ERCC6: variants seen among roughly 807,000 people sequenced by gnomAD.
ERCC6 encodes ERCC excision repair 6, chromatin remodeling factor.
A neutral mutation model predicts 158.7 loss-of-function variants in ERCC6; 116 were observed. That is an observed-to-expected ratio of 0.73 (90% confidence interval 0.63 to 0.85). ERCC6 has a LOEUF of 0.85. ERCC6 is among the 40% of genes least tolerant of loss of function. The probability of loss-of-function intolerance (pLI) is 0.00; values close to 1 mark genes in which losing one functional copy is unlikely to be tolerated. For missense variants in ERCC6, 1,698 were observed against 1,799.4 expected, an observed-to-expected ratio of 0.94 and a Z score of 1.02; for synonymous variants, 678 against 659.3, an observed-to-expected ratio of 1.03 and a Z score of -0.43.
chr10:49,484,790 T>C (rs1401849225), intron 8 of ERCC6, among the ~76,000 whole-genome samples: 2 of 152,084 alleles, frequency 1.3e-5, no homozygotes, highest in Admixed American at 1.3e-4. Context: ...TAGATTCTAG[T>C]CAGAACAAAA....
At position 49,454,480 on chromosome 10, in the gene ERCC6, C is replaced by T. The variant is rs1438903129; in HGVS notation, c.*4335G>A. ...CTGTTCTTACCAAGATTTGGATTTTCTTGAATAAGCGTTACTTTATTCTAC... is the reference window on the plus strand; with the variant it reads ...CTGTTCTTACCAAGATTTGGATTTTTTTGAATAAGCGTTACTTTATTCTAC... On this transcript the variant is annotated 3_prime_UTR_variant, in exon 21 of 21. Transcript: ENST00000355832. 1.3e-5 allele frequency among the ~76,000 whole-genome samples: 2 copies of T among 152,118 alleles called. No homozygotes were observed. Among genetic ancestry groups the T allele is most frequent in the Non-Finnish European group, 2.9e-5 (2 of 68,002 alleles).
chr10:49,523,174 A>G (rs557775731), intron 5 of ERCC6, among the ~76,000 whole-genome samples: 2 of 152,348 alleles, frequency 1.3e-5, no homozygotes, highest in South Asian at 4.1e-4. Context: ...AAGTATTTTA[A>G]AAGTAATAAG....
At chr10:49,469,516 G>A (rs889430855) in intron 18 of ERCC6, among the ~76,000 whole-genome samples, 1 of 152,156 alleles carries the variant, frequency 6.6e-6, no homozygotes, top group Admixed American at 6.5e-5. Context: ...ACTGATTTAA[G>A]TTTGAAATTA....
chr10:49,447,864 T>A, the ERCC6 span, among the ~76,000 whole-genome samples: 1 of 152,214 alleles, frequency 6.6e-6, no homozygotes, highest in Non-Finnish European at 1.5e-5. Flanking sequence ...CCTTGTTGCA[T>A]CAGTACTTCA....
intron 4 of ERCC6, among the ~76,000 whole-genome samples, chr10:49,526,127 A>ATATATT (rs1837330284): frequency 6.9e-5 from 1 of 14,424 alleles, no homozygotes; most frequent in Non-Finnish European, 1.9e-4. Flanking sequence ...TTATATATAT[A>ATATATT]TATATATATA....
In ERCC6 at chr10:49,500,522, G is replaced by A; in HGVS notation, c.1685+16C>T. 1.2e-6 allele frequency: 2 copies of A among 1,613,058 alleles called. No homozygotes were observed. Among genetic ancestry groups the A allele is most frequent in the Admixed American group, 1.7e-5 (1 of 60,006 alleles). ...ATTGAGCTCCACAGACTGACAGTCT[G>A]CAGAGGAGCACTTGCCTGTAATTTG... On this transcript the variant is annotated intron_variant, in intron 7 of 20. Coordinates refer to ENST00000355832, the MANE Select transcript of ERCC6 (RefSeq NM_000124.4).
chr10:49,453,786 G>A (rs891462975), downstream of ERCC6, among the ~76,000 whole-genome samples: 1 of 151,738 alleles, frequency 6.6e-6, no homozygotes, highest in Non-Finnish European at 1.5e-5. Context: ...TTTTCTTCAA[G>A]CACTTTGACT....
At chr10:49,482,658 C>A (rs775330498) in intron 10 of ERCC6, 29 bp downstream of exon 10, 1 of 1,602,944 alleles carries the variant, frequency 6.2e-7, no homozygotes. Context: ...TATTAAAATG[C>A]CAAAAGTATT....
chr10:49,526,958 G>C (rs1842154117), intron 4 of ERCC6, among the ~76,000 whole-genome samples: 2 of 152,152 alleles, frequency 1.3e-5, no homozygotes, highest in Non-Finnish European at 2.9e-5. Context: ...AACAAGAAGA[G>C]GGCTCAAAGA....
rs1590478908 is a variant in ERCC6 at position 49,526,094 on chromosome 10, TA to T, written c.653-1318del. ...CATCTTTTGGTTTTATTTATATTTA[TA>T]TATTTATATATTTATATATTTTTAT... On this transcript the variant is annotated intron_variant, in intron 4 of 20. Transcript: ENST00000355832. Among the ~76,000 whole-genome samples the T allele has an allele frequency of 4.8e-5, 5 of 103,574 alleles. 1 individual carries two copies. The highest frequency in any genetic ancestry group is 4.0e-4 in the East Asian group (1 of 2,530). The allele number at this position is 103,574 out of a possible 152,430, so 67.9% of individuals were successfully genotyped here. A position where few individuals can be genotyped will look rare whatever the true frequency, so the allele number is the denominator to read the frequency against.
At chr10:49,447,180 C>A in the ERCC6 span, among the ~76,000 whole-genome samples, 1 of 152,072 alleles carries the variant, frequency 6.6e-6, no homozygotes, top group Non-Finnish European at 1.5e-5. Flanking sequence ...CAGATGATAT[C>A]CACAAAGGAA....
intron 8 of ERCC6, among the ~76,000 whole-genome samples, chr10:49,484,173 C>A (rs951389281): frequency 2.0e-5 from 3 of 149,932 alleles, no homozygotes; most frequent in African/African-American, 7.4e-5. Flanking sequence ...CCCATCTACT[C>A]AGGAGGCTGA....
intron 14 of ERCC6, 63 bp from the exon 15 acceptor site, chr10:49,473,091 T>G: frequency 6.2e-7 from 1 of 1,609,652 alleles, no homozygotes; most frequent in Non-Finnish European, 8.5e-7. Flanking sequence ...TCTCAGCCTC[T>G]GCCTCCACAT....
the ERCC6 span, among the ~76,000 whole-genome samples, chr10:49,437,013 G>A: frequency 6.6e-6 from 1 of 152,184 alleles, no homozygotes; most frequent in Non-Finnish European, 1.5e-5. Context: ...ATTCCCACCT[G>A]TTGTGGGAAG....
At chr10:49,477,507 C>T (rs374868176) in intron 11 of ERCC6, among the ~76,000 whole-genome samples, 2 of 152,328 alleles carry the variant, frequency 1.3e-5, no homozygotes, top group South Asian at 4.1e-4. Flanking sequence ...CTCACGGGCA[C>T]CTCTGTTGAT....
Position 49,458,826 on chromosome 10 carries a change from C to G in ERCC6, c.4471G>C (p.Glu1491Gln). Residue 1491 changes from glutamate (E) to glutamine (Q), a missense_variant, in exon 21 of 21, where the codon GAA (glutamate) becomes CAA (glutamine). Glu to Gln is a conservative substitution (Grantham distance 29). Coordinates refer to ENST00000355832, the MANE Select transcript of ERCC6 (RefSeq NM_000124.4). Reference sequence around the variant, plus strand: ...GGAAGCAATGTTGTTTAGCAGTATTCTGGCTTGAGTTTCCAAATTCCTTCA... The same window carrying G: ...GGAAGCAATGTTGTTTAGCAGTATTGTGGCTTGAGTTTCCAAATTCCTTCA... Reference protein sequence around the residue: ...GGEGIWKLKPEYC With the variant: ...GGEGIWKLKPQYC 6.2e-7 allele frequency: 1 copy of G among 1,614,154 alleles called. No individual in the cohort carries two copies. The highest frequency in any genetic ancestry group is 8.5e-7 in the Non-Finnish European group (1 of 1,180,028).
At chr10:49,513,560 G>A (rs768587285) in intron 5 of ERCC6, among the ~76,000 whole-genome samples, 13 of 152,076 alleles carry the variant, frequency 8.5e-5, no homozygotes, top group Non-Finnish European at 1.6e-4. Context: ...CTCACAATTC[G>A]GCACGGCTGG....
the ERCC6 span, among the ~76,000 whole-genome samples, chr10:49,442,972 T>C: frequency 6.6e-6 from 1 of 152,228 alleles, no homozygotes; most frequent in Non-Finnish European, 1.5e-5. Context: ...TGTTAGAGTG[T>C]CACTCTGTCT....
At chr10:49,466,348 T>G (rs549680370) in intron 18 of ERCC6, among the ~76,000 whole-genome samples, 1 of 152,214 alleles carries the variant, frequency 6.6e-6, no homozygotes, top group East Asian at 1.9e-4. Context: ...ATCCTAGGAT[T>G]GACAAGTAAC....
Sources: gnomAD v4.1 joint callset for allele counts (sites outside exome capture counted in the v4.1 genomes callset) on GRCh38, gnomAD v4.1.1 for gene constraint, MANE v1.5 for transcripts, NCBI Gene and HGNC (gene_info 2026-07-23, HGNC 2026-07-21) for gene names.